Variants in TSHZ3 observed in about 807,000 individuals in gnomAD.
TSHZ3 encodes the protein teashirt zinc finger homeobox 3.
In TSHZ3, 10 loss-of-function variants were observed where a neutral mutation model predicts 64.5. The observed-to-expected ratio is 0.16, with a 90% CI of 0.10 to 0.26. TSHZ3 has a LOEUF of 0.26. Ranked by LOEUF, TSHZ3 falls within the 10% of genes least tolerant of loss-of-function variation. The probability of loss-of-function intolerance (pLI) is 1.00; values close to 1 mark genes in which losing one functional copy is unlikely to be tolerated. For synonymous variants in TSHZ3, 608 were observed against 593.1 expected, an observed-to-expected ratio of 1.03 and a Z score of -0.36; for missense variants, 1,242 against 1,421.7, an observed-to-expected ratio of 0.87 and a Z score of 2.03.
At chr19:31,185,346 C>T (rs748969852) in intron 5 of TSHZ3, among the ~76,000 whole-genome samples, 1 of 152,208 alleles carries the variant, frequency 6.6e-6, no homozygotes, top group Non-Finnish European at 1.5e-5. Context: ...CTTCCTCACA[C>T]CTTCAAGCTC....
intron 1 of TSHZ3, among the ~76,000 whole-genome samples, chr19:31,268,183 G>A (rs6510196): frequency 0.54 from 81,889 of 151,918 alleles, 22,390 homozygotes; most frequent in Non-Finnish European, 0.58. Flanking sequence ...TTCCTCAATG[G>A]CCGTGAGACC....
At chr19:31,183,458 A>G (rs1015708406) in intron 5 of TSHZ3, among the ~76,000 whole-genome samples, 8 of 152,282 alleles carry the variant, frequency 5.3e-5, no homozygotes, top group African/African-American at 1.4e-4. Flanking sequence ...GAATCAGAAA[A>G]CGAAACACTA....
chr19:31,178,486 C>T (rs1310161611), intron 5 of TSHZ3, among the ~76,000 whole-genome samples: 1 of 152,182 alleles, frequency 6.6e-6, no homozygotes, highest in Non-Finnish European at 1.5e-5. Context: ...TCAAGACCAG[C>T]TTGGCCAACA....
chr19:31,308,143 C>G (rs1276808128), intron 1 of TSHZ3, among the ~76,000 whole-genome samples: 2 of 152,082 alleles, frequency 1.3e-5, no homozygotes, highest in Non-Finnish European at 2.9e-5. Flanking sequence ...AATGTTCTGC[C>G]TCCCACTCCA....
chr19:31,176,259 G>A (rs1349017143), intron 5 of TSHZ3, among the ~76,000 whole-genome samples: 1 of 152,200 alleles, frequency 6.6e-6, no homozygotes, highest in African/African-American at 2.4e-5. Flanking sequence ...CAAAGGAGGT[G>A]AGAGGCTGTG....
chr19:31,209,857 C>T lies in TSHZ3; in HGVS notation n.687-4779G>A, dbSNP rs181065189. Among the ~76,000 whole-genome samples, 39 of 152,132 alleles carry T rather than the reference C, an allele frequency of 2.6e-4. No homozygotes were observed. In the East Asian group the frequency reaches 7.0e-3, roughly 27 times the overall value. ...GATGAAATCCTCAAGGGCCCCCAAC[C>T]CCTTCTCCCCATTCTGTGGCTGGGT... On this transcript the variant is annotated intron_variant and non_coding_transcript_variant, in intron 4 of 6. Transcript: ENST00000651361.
chr19:31,338,262 C>G (rs558358013), intron 1 of TSHZ3, among the ~76,000 whole-genome samples: 1 of 152,272 alleles, frequency 6.6e-6, no homozygotes, highest in African/African-American at 2.4e-5. Flanking sequence ...GTGGGGGTGT[C>G]CTGGTGCACA....
At chr19:31,259,127 G>A (rs1975952490) in intron 1 of TSHZ3, among the ~76,000 whole-genome samples, 1 of 152,186 alleles carries the variant, frequency 6.6e-6, no homozygotes, top group Non-Finnish European at 1.5e-5. Flanking sequence ...CAGTAAAGTG[G>A]TGTTATAAAA....
intron 1 of TSHZ3, among the ~76,000 whole-genome samples, chr19:31,297,049 T>C (rs981255168): frequency 6.6e-6 from 1 of 152,190 alleles, no homozygotes; most frequent in African/African-American, 2.4e-5. Flanking sequence ...TGGAAGGGTG[T>C]TGGGAAATAC....
rs773203244 is a variant in TSHZ3 at position 31,278,547 on chromosome 19, T to C, written c.1246A>G (p.Asn416Asp). Reference sequence around the variant, plus strand: ...GGCTTCCCCTTTTTCATAGCAGAGTTGGTGACCTTGATGAAGTGGCCAGTG... The same window carrying C: ...GGCTTCCCCTTTTTCATAGCAGAGTCGGTGACCTTGATGAAGTGGCCAGTG... ...MVTGHFIKVT[N>D]SAMKKGKPIV... Residue 416 changes from asparagine to aspartate, a missense_variant, in exon 2 of 2, where the codon AAC (asparagine) becomes GAC (aspartate). Physicochemically the swap from Asn to Asp is conservative, Grantham distance 23. Around this residue, in one of 4 missense-constraint regions of TSHZ3, gnomAD observed 555 missense variants for 704.0 expected, o/e 0.79. Coordinates refer to ENST00000240587, the MANE Select transcript of TSHZ3 (RefSeq NM_020856.4). This position sits in a 1 kb window ranked among gnomAD's most constrained non-coding sequence, Gnocchi z 4.7. The C allele has an allele frequency of 6.2e-7, 1 of 1,614,150 alleles. No individual in the cohort carries two copies. Among genetic ancestry groups the C allele is most frequent in the South Asian group, 1.1e-5 (1 of 91,080 alleles).
chr19:31,257,359 G>C (rs959818755), intron 1 of TSHZ3, among the ~76,000 whole-genome samples: 1 of 152,218 alleles, frequency 6.6e-6, no homozygotes, highest in East Asian at 1.9e-4. Flanking sequence ...CTTAGCCTGA[G>C]TGTTCTGAAG....
intron 4 of TSHZ3, among the ~76,000 whole-genome samples, chr19:31,221,763 GCC>G (rs1975397301): frequency 6.6e-6 from 1 of 152,184 alleles, no homozygotes; most frequent in Admixed American, 6.5e-5. Flanking sequence ...ACGGTATCTG[GCC>G]CACTAAATAT....
chr19:31,295,617 G>A (rs965983090), intron 1 of TSHZ3, among the ~76,000 whole-genome samples: 3 of 152,182 alleles, frequency 2.0e-5, no homozygotes, highest in African/African-American at 7.2e-5. Context: ...TTTGGAGGTG[G>A]TGGCTGGGGA....
intron 5 of TSHZ3, among the ~76,000 whole-genome samples, chr19:31,157,791 CTT>C (rs1974324565): frequency 6.6e-6 from 1 of 152,174 alleles, no homozygotes; most frequent in South Asian, 2.1e-4. Flanking sequence ...AAGATAATGA[CTT>C]ATTCCTTCTG....
At chr19:31,306,051 G>C (rs937505710) in intron 1 of TSHZ3, among the ~76,000 whole-genome samples, 1 of 152,188 alleles carries the variant, frequency 6.6e-6, no homozygotes, top group South Asian at 2.1e-4. Context: ...CCACAAAAAG[G>C]GGGTAGGCGC....
rs898849733 is a variant in TSHZ3, at chr19:31,277,501, G to A, written c.2292C>T (p.Ala764=). The change falls in exon 2 of 2, where the codon GCC becomes GCT. Residue 764 remains alanine (A), a synonymous_variant. Transcript: ENST00000240587. The surrounding 1 kb of genome is among the most constrained non-coding windows in gnomAD (Gnocchi z 4.5). ...SNSLAEKAAV[A]TPPPLQSKKA... The stretch of plus-strand genomic sequence containing the variant: ...TCTTGGACTGCAGGGGCGGCGGGGT[G>A]GCCACAGCAGCCTTCTCCGCCAGGC... 2 of 1,607,760 alleles carry A rather than the reference G, an allele frequency of 1.2e-6. No homozygotes were observed. Among genetic ancestry groups the A allele is most frequent in the Non-Finnish European group, 1.7e-6 (2 of 1,175,730 alleles).
chr19:31,197,489 G>GA (rs142320114), intron 5 of TSHZ3, among the ~76,000 whole-genome samples: 43 of 144,520 alleles, frequency 3.0e-4, no homozygotes, highest in African/African-American at 6.6e-4. Context: ...TTGAACTCAA[G>GA]AAAAAAAAAA....
At chr19:31,339,813 G>A (rs982677226) in intron 1 of TSHZ3, among the ~76,000 whole-genome samples, 3 of 151,668 alleles carry the variant, frequency 2.0e-5, no homozygotes, top group East Asian at 3.9e-4. Context: ...AAAAGGGGGG[G>A]GCGTTCTGCT....
At position 31,194,732 on chromosome 19, in the gene TSHZ3, C is replaced by T. The variant is rs77169679; in HGVS notation, n.809+10224G>A. ...AACAGTGCAGATTGAAGAGACACAG[C>T]GAGTGTCAAAAGGAGACTCAGATAT... On this transcript the variant is annotated intron_variant and non_coding_transcript_variant, in intron 5 of 6. Transcript: ENST00000651361. Among the ~76,000 whole-genome samples, 1,028 of 152,200 alleles carry T rather than the reference C, an allele frequency of 6.8e-3. 12 individuals are homozygous for T. Among genetic ancestry groups the T allele is most frequent in the African/African-American group, 0.023 (964 of 41,536 alleles).
Sources: gnomAD v4.1 joint callset for allele counts (sites outside exome capture counted in the v4.1 genomes callset) on GRCh38, gnomAD v4.1.1 for gene constraint, gnomAD v4.1.1 regional missense constraint, Gnocchi (gnomAD v3.1) non-coding constraint, MANE v1.5 for transcripts, NCBI Gene and HGNC (gene_info 2026-07-23, HGNC 2026-07-21) for gene names.